FBLN1: variants seen among roughly 807,000 people sequenced by gnomAD.
The protein encoded by FBLN1 is fibulin-1.
A neutral mutation model predicts 89.7 loss-of-function variants in FBLN1; 34 were observed. The observed-to-expected ratio is 0.38, with a 90% confidence interval of 0.29 to 0.50. The LOEUF (loss-of-function observed/expected upper bound fraction) is 0.50. Ranked by LOEUF, FBLN1 falls within the 20% of genes least tolerant of loss-of-function variation. The pLI is 0.92. For synonymous variants in FBLN1, 393 were observed against 391.3 expected, an observed-to-expected ratio of 1.00 and a Z score of -0.05; for missense variants, 777 against 988.1, an observed-to-expected ratio of 0.79 and a Z score of 2.86.
rs56316067 is a variant in FBLN1 at position 45,597,697 on chromosome 22, T to G, written c.1973-2610T>G. 8.0e-3 allele frequency among the ~76,000 whole-genome samples: 1,211 copies of G among 152,186 alleles called. 15 individuals are homozygous for G. The highest frequency in any genetic ancestry group is 0.028 in the African/African-American group (1,151 of 41,500). On this transcript the variant is annotated intron_variant, in intron 16 of 16. Transcript: ENST00000327858. This position sits in a 1 kb window ranked among gnomAD's most constrained non-coding sequence, Gnocchi z 4.2. Reference sequence around the variant, plus strand: ...CGTCTTTTGCCGGGAGCTGAAGACGTTCATGGGCTTTCAAGCAGGACAAAG... The same window carrying G: ...CGTCTTTTGCCGGGAGCTGAAGACGGTCATGGGCTTTCAAGCAGGACAAAG...
rs1481627573 is a variant in FBLN1 at position 45,588,057 on chromosome 22, G to A, written c.1972+10949G>A. On this transcript the variant is annotated intron_variant, in intron 16 of 16. Coordinates refer to ENST00000327858, the MANE Select transcript of FBLN1 (RefSeq NM_006486.3). This position sits in a 1 kb window ranked among gnomAD's most constrained non-coding sequence, Gnocchi z 5.1. ...CCTCTCTCATACACTTTTTATCCCA[G>A]AGGGTAGGAGTACACGAGAAACAAG... 6.6e-6 allele frequency among the ~76,000 whole-genome samples: 1 copy of A among 152,230 alleles called. No homozygotes were observed. The highest frequency in any genetic ancestry group is 1.5e-5 in the Non-Finnish European group (1 of 68,050).
rs1200436886 is a variant in FBLN1, at chr22:45,556,583, C to A, written c.1697+5968C>A. Among the ~76,000 whole-genome samples, 1 of 151,990 alleles carries A rather than the reference C, an allele frequency of 6.6e-6. No homozygotes were observed. Among genetic ancestry groups the A allele is most frequent in the Non-Finnish European group, 1.5e-5 (1 of 68,010 alleles). On this transcript the variant is annotated intron_variant, in intron 14 of 16. Coordinates refer to ENST00000327858, the MANE Select transcript of FBLN1 (RefSeq NM_006486.3). The surrounding 1 kb of genome is among the most constrained non-coding windows in gnomAD (Gnocchi z 4.6). ...AGGGCATGGTAATACTGAGAGATGC[C>A]CTAATGGATCTCCTGTATTCCATGC... is the stretch of plus-strand genomic sequence containing the variant.
chr22:45,561,899 G>T lies in FBLN1; in HGVS notation c.1697+11284G>T, dbSNP rs2088854060. 6.6e-6 allele frequency among the ~76,000 whole-genome samples: 1 copy of T among 152,148 alleles called. No individual in the cohort carries two copies. On this transcript the variant is annotated intron_variant, in intron 14 of 16. Coordinates refer to ENST00000327858, the MANE Select transcript of FBLN1 (RefSeq NM_006486.3). This position sits in a 1 kb window ranked among gnomAD's most constrained non-coding sequence, Gnocchi z 4.7. ...CCAGCACAGGAGAAAGATGTAGGCT[G>T]GGAGGCTAGGCCAGTCTCTCCTATC...
intron 14 of FBLN1, among the ~76,000 whole-genome samples, chr22:45,551,339 C>CA (rs1254603285): frequency 3.3e-5 from 5 of 152,256 alleles, no homozygotes. Context: ...TCCCAGCACT[C>CA]TGAGTGCACG....
At position 45,557,410 on chromosome 22, in the gene FBLN1, G is replaced by T. The variant is rs1383486754; in HGVS notation, c.1697+6795G>T. 6.6e-6 allele frequency among the ~76,000 whole-genome samples: 1 copy of T among 152,146 alleles called. No individual in the cohort carries two copies. The highest frequency in any genetic ancestry group is 1.5e-5 in the Non-Finnish European group (1 of 68,032). On this transcript the variant is annotated intron_variant, in intron 14 of 16. Coordinates refer to ENST00000327858, the MANE Select transcript of FBLN1 (RefSeq NM_006486.3). The surrounding 1 kb of genome is among the most constrained non-coding windows in gnomAD (Gnocchi z 4.9). ...CAGGTAGCTGGCTGATCACCCCGAG[G>T]CATGGTGCCACATCGAGGGCTCAGT... is the stretch of plus-strand genomic sequence containing the variant.
In FBLN1 at chr22:45,588,459, G is replaced by A. The variant is rs112602743; in HGVS notation, c.1972+11351G>A. 6.4e-3 allele frequency among the ~76,000 whole-genome samples: 977 copies of A among 152,300 alleles called. 8 individuals carry two copies. The highest frequency in any genetic ancestry group is 0.01 in the Non-Finnish European group (683 of 68,030). ...TTCCTAGACAGAAGAGCCTCCAGGG[G>A]TTTATTCGTGCAAGGCTACCCTCTG... On this transcript the variant is annotated intron_variant, in intron 16 of 16. Coordinates refer to ENST00000327858, the MANE Select transcript of FBLN1 (RefSeq NM_006486.3). This position sits in a 1 kb window ranked among gnomAD's most constrained non-coding sequence, Gnocchi z 5.1.
intron 14 of FBLN1, among the ~76,000 whole-genome samples, chr22:45,570,506 A>C (rs1446801491): frequency 1.3e-5 from 2 of 152,084 alleles, no homozygotes; most frequent in Non-Finnish European, 2.9e-5. Flanking sequence ...TGGAACACAA[A>C]AGTGAATAAA....
rs1256724482 is a variant in FBLN1 at position 45,562,177 on chromosome 22, G to A, written c.1697+11562G>A. Among the ~76,000 whole-genome samples, 1 of 152,182 alleles carries A rather than the reference G, an allele frequency of 6.6e-6. No homozygotes were observed. The highest frequency in any genetic ancestry group is 1.5e-5 in the Non-Finnish European group (1 of 68,032). On this transcript the variant is annotated intron_variant, in intron 14 of 16. Transcript: ENST00000327858. The surrounding 1 kb of genome is among the most constrained non-coding windows in gnomAD (Gnocchi z 7.8). The stretch of plus-strand genomic sequence containing the variant: ...AGGACCCATCCCTGTCTCCACCCAG[G>A]AAGTTAGGACCTGTCTCTGTTTCTA...
In FBLN1 at chr22:45,564,654, G is replaced by A. The variant is rs115421935; in HGVS notation, c.1698-9857G>A. Among the ~76,000 whole-genome samples the A allele has an allele frequency of 5.7e-3, 873 of 152,336 alleles. 13 individuals carry two copies. Among genetic ancestry groups the A allele is most frequent in the African/African-American group, 0.02 (824 of 41,574 alleles). On this transcript the variant is annotated intron_variant, in intron 14 of 16. Coordinates refer to ENST00000327858, the MANE Select transcript of FBLN1 (RefSeq NM_006486.3). ...TTCATGGTGCTTGTAACAGGCTGCG[G>A]TTCCTGTTGACTCGCGTTTCACATT...
chr22:45,574,677 C>A lies in FBLN1; in HGVS notation c.1840+24C>A. 1 of 1,609,032 alleles carries A rather than the reference C, an allele frequency of 6.2e-7. No homozygotes were observed. Among genetic ancestry groups the A allele is most frequent in the Middle Eastern group, 1.7e-4 (1 of 6,054 alleles). On this transcript the variant is annotated intron_variant, in intron 15 of 16. Transcript: ENST00000327858. This position sits in a 1 kb window ranked among gnomAD's most constrained non-coding sequence, Gnocchi z 4.1. ...AGGTGAGTGGGATGGGTGTGGGGGTCCCAGGGCCCCCTAGGGCCTCCCTCG... is the reference window on the plus strand; with the variant it reads ...AGGTGAGTGGGATGGGTGTGGGGGTACCAGGGCCCCCTAGGGCCTCCCTCG...
Position 45,580,891 on chromosome 22 carries a change from C to T in FBLN1, c.1972+3783C>T, listed in dbSNP as rs2089036640. 6.6e-6 allele frequency among the ~76,000 whole-genome samples: 1 copy of T among 152,232 alleles called. No homozygotes were observed. Among genetic ancestry groups the T allele is most frequent in the African/African-American group, 2.4e-5 (1 of 41,454 alleles). ...CCCGTTCTTAGCGGGGATCGAGGAG[C>T]CCGCAGCAGGGCCCGCGCCGTCGTC... On this transcript the variant is annotated intron_variant, in intron 16 of 16. Transcript: ENST00000327858. This position sits in a 1 kb window ranked among gnomAD's most constrained non-coding sequence, Gnocchi z 8.6.
Position 45,548,711 on chromosome 22 carries a change from T to C in FBLN1, c.1540T>C (p.Tyr514His). 6.2e-7 allele frequency: 1 copy of C among 1,613,602 alleles called. No homozygotes were observed. Among genetic ancestry groups the C allele is most frequent in the South Asian group, 1.1e-5 (1 of 91,068 alleles). Residue 514 changes from tyrosine (Y) to histidine (H), a missense_variant, in exon 13 of 17, where the codon TAC (tyrosine) becomes CAC (histidine). Tyr to His is a moderately conservative substitution (Grantham distance 83). Coordinates refer to ENST00000327858, the MANE Select transcript of FBLN1 (RefSeq NM_006486.3). Reference sequence around the variant, plus strand: ...CCAGTGCAGCTGCCCCTCGTCTGGCTACAGGCTGGCCCCCAATGGCCGCAA... The same window carrying C: ...CCAGTGCAGCTGCCCCTCGTCTGGCCACAGGCTGGCCCCCAATGGCCGCAA... ...SFQCSCPSSG[Y>H]RLAPNGRNCQ...
intron 16 of FBLN1, among the ~76,000 whole-genome samples, chr22:45,584,123 C>G (rs1479188871): frequency 6.6e-6 from 1 of 152,226 alleles, no homozygotes; most frequent in Admixed American, 6.5e-5. Context: ...GCAAGGGTGA[C>G]TGAGCCCTGC....
chr22:45,559,135 G>A (rs372162860), intron 14 of FBLN1, among the ~76,000 whole-genome samples: 1 of 152,230 alleles, frequency 6.6e-6, no homozygotes, highest in African/African-American at 2.4e-5. Flanking sequence ...GGTGGGCCTT[G>A]GAACAGGAAT....
At chr22:45,555,643 G>A (rs888525246) in intron 14 of FBLN1, among the ~76,000 whole-genome samples, 1 of 151,994 alleles carries the variant, frequency 6.6e-6, no homozygotes, top group African/African-American at 2.4e-5. Flanking sequence ...CACCCTCACA[G>A]ACACACCCAG....
At chr22:45,519,395 T>C (rs374450457) in intron 2 of FBLN1, among the ~76,000 whole-genome samples, 3 of 151,550 alleles carry the variant, frequency 2.0e-5, no homozygotes, top group South Asian at 2.1e-4. Context: ...CCGAGGTGGG[T>C]GGATCACCTG....
chr22:45,513,742 C>T (rs1332593918), intron 1 of FBLN1, among the ~76,000 whole-genome samples: 1 of 152,180 alleles, frequency 6.6e-6, no homozygotes, highest in Non-Finnish European at 1.5e-5. Context: ...GTACTCTTAT[C>T]CTGGGTCACC....
intron 14 of FBLN1, among the ~76,000 whole-genome samples, chr22:45,568,415 T>TC (rs2088916273): frequency 3.5e-5 from 2 of 56,662 alleles, no homozygotes; most frequent in South Asian, 5.9e-4. Context: ...GGGAGTGCTC[T>TC]TTCTGTAGGG....
At chr22:45,503,315 C>G (rs1359759098) in intron 1 of FBLN1, 1 of 264,166 alleles carries the variant, frequency 3.8e-6, no homozygotes, top group African/African-American at 2.3e-5. Context: ...CCGTCCTACC[C>G]CAGTCCTAGC....
Sources: allele counts gnomAD v4.1 joint callset (sites outside exome capture counted in the v4.1 genomes callset), GRCh38; gene constraint gnomAD v4.1.1; non-coding constraint Gnocchi (gnomAD v3.1); transcripts MANE v1.5; gene names NCBI Gene and HGNC (gene_info 2026-07-23, HGNC 2026-07-21).